CLASP1: variants seen among roughly 807,000 people sequenced by gnomAD.
CLASP1 encodes cytoplasmic linker associated protein 1.
In CLASP1, 38 loss-of-function variants were observed where a neutral mutation model predicts 192.3. That is an observed-to-expected ratio of 0.20 (90% CI 0.15 to 0.26). The LOEUF is 0.26. CLASP1 is among the 10% of genes least tolerant of loss of function. The pLI, the probability that CLASP1 is intolerant of heterozygous loss-of-function variation, is 1.00. For synonymous variants in CLASP1, 691 were observed against 712.8 expected (o/e 0.97, Z 0.49); for missense variants, 1,433 against 1,932.5 (o/e 0.74, Z 4.85).
intron 19 of CLASP1, among the ~76,000 whole-genome samples, chr2:121,443,575 C>T (rs1318082929): frequency 1.3e-5 from 2 of 152,232 alleles, no homozygotes; most frequent in Admixed American, 6.5e-5. Flanking sequence ...CCAGCCTCTG[C>T]CGTCTGCTGT....
chr2:121,406,339 C>T lies in CLASP1; in HGVS notation c.2669+1132G>A, dbSNP rs999465220. On this transcript the variant is annotated intron_variant, in intron 25 of 39. Transcript: ENST00000263710. Reference sequence around the variant, plus strand: ...ACAATGCTGTTACTATTTTGGAGTGCTCCATTTTGTTATCTCCTCACTATG... The same window carrying T: ...ACAATGCTGTTACTATTTTGGAGTGTTCCATTTTGTTATCTCCTCACTATG... Among the ~76,000 whole-genome samples, 4 of 152,146 alleles carry T rather than the reference C, an allele frequency of 2.6e-5. No individual in the cohort carries two copies. In the East Asian group the frequency reaches 7.7e-4, roughly 29 times the overall value.
intron 8 of CLASP1, 26 bp from the exon 9 acceptor site, chr2:121,469,986 GTTTTTTTAAA>G: frequency 6.3e-7 from 1 of 1,580,024 alleles, no homozygotes. Flanking sequence ...AGAAACCAAC[GTTTTTTTAAA>G]AACAAAAACT....
chr2:121,483,536 GTATGTA>G (rs1189099908), intron 8 of CLASP1, among the ~76,000 whole-genome samples: 1 of 150,462 alleles, frequency 6.6e-6, no homozygotes, highest in Non-Finnish European at 1.5e-5. Context: ...GTATATATAT[GTATGTA>G]TATATGTGTG....
At chr2:121,548,652 C>T (rs1164789711) in intron 2 of CLASP1, among the ~76,000 whole-genome samples, 1 of 151,932 alleles carries the variant, frequency 6.6e-6, no homozygotes, top group Non-Finnish European at 1.5e-5. Context: ...ATGTTAAAGG[C>T]AGCTAGAGAG....
intron 14 of CLASP1, among the ~76,000 whole-genome samples, chr2:121,457,097 A>G (rs1024582858): frequency 2.0e-5 from 3 of 152,196 alleles, no homozygotes; most frequent in African/African-American, 7.2e-5. Flanking sequence ...TCGCCAGGAC[A>G]TATAAGATAG....
intron 7 of CLASP1, among the ~76,000 whole-genome samples, chr2:121,511,930 A>T (rs529675463): frequency 7.1e-4 from 108 of 152,378 alleles, no homozygotes; most frequent in Non-Finnish European, 1.3e-3. Flanking sequence ...TTAACACTAA[A>T]GCTTTAGCAA....
At position 121,611,358 on chromosome 2, in the gene CLASP1, G is replaced by A. The variant is rs542537042; in HGVS notation, c.-285-5178C>T. 9.7e-4 allele frequency among the ~76,000 whole-genome samples: 136 copies of A among 139,808 alleles called. 2 individuals are homozygous for A. Among genetic ancestry groups the A allele is most frequent in the South Asian group, 3.2e-3 (13 of 4,126 alleles). 91.7% of individuals were successfully genotyped at this position (139,808 alleles called of 152,430 possible). Reference sequence around the variant, plus strand: ...AGTTACAGGAGGAAGAGGAACTGGAGGAGGAGGTGTTGGAGGAGTTACAGG... The same window carrying A: ...AGTTACAGGAGGAAGAGGAACTGGAAGAGGAGGTGTTGGAGGAGTTACAGG... On this transcript the variant is annotated intron_variant, in intron 1 of 39. Coordinates refer to ENST00000263710, the Ensembl canonical transcript of CLASP1.
intron 32 of CLASP1, among the ~76,000 whole-genome samples, chr2:121,386,364 C>CT (rs1310590742): frequency 6.6e-6 from 1 of 152,172 alleles, no homozygotes; most frequent in African/African-American, 2.4e-5. Flanking sequence ...ATGTGTGCCC[C>CT]TTGCTGGTCC....
At chr2:121,529,060 TA>T (rs1438304055) in intron 3 of CLASP1, among the ~76,000 whole-genome samples, 1 of 152,144 alleles carries the variant, frequency 6.6e-6, no homozygotes, top group Admixed American at 6.5e-5. Flanking sequence ...TGTAAGCTGA[TA>T]AAAATGGAAG....
At chr2:121,415,174 T>A (rs997046864) in intron 23 of CLASP1, among the ~76,000 whole-genome samples, 6 of 152,232 alleles carry the variant, frequency 3.9e-5, no homozygotes, top group African/African-American at 1.4e-4. Context: ...ACACTGGTTA[T>A]GAGTACCAGC....
intron 1 of CLASP1, among the ~76,000 whole-genome samples, chr2:121,629,503 A>C (rs901476828): frequency 2.0e-5 from 3 of 151,916 alleles, no homozygotes; most frequent in Non-Finnish European, 4.4e-5. Flanking sequence ...TTAGAAAAGC[A>C]AACTAGGCCG....
At chr2:121,492,384 C>T (rs1229679087) in intron 8 of CLASP1, among the ~76,000 whole-genome samples, 5 of 116,680 alleles carry the variant, frequency 4.3e-5, no homozygotes, top group Non-Finnish European at 8.4e-5. Context: ...GCGAGACTCC[C>T]TCTCCAAAAA....
At chr2:121,478,639 ACACACCCCCCACACACACACACCCCC>A (rs2091965604) in intron 8 of CLASP1, among the ~76,000 whole-genome samples, 1 of 110,448 alleles carries the variant, frequency 9.1e-6, no homozygotes, top group African/African-American at 4.1e-5. Context: ...ATACACACAC[ACACACCCCCCACACACACACACCCCC>A]CACACACACC....
chr2:121,531,033 TCAGTTCAAACAG>T (rs2094821247), intron 2 of CLASP1: 1 of 699,810 alleles, frequency 1.4e-6, no homozygotes. Flanking sequence ...CATAGACTTA[TCAGTTCAAACAG>T]CAGTAATTCG....
chr2:121,582,178 A>G (rs2061249988), intron 2 of CLASP1, among the ~76,000 whole-genome samples: 9 of 151,814 alleles, frequency 5.9e-5, no homozygotes, highest in Admixed American at 5.9e-4. Context: ...GAAAGGAAGG[A>G]AAAAAAGGAA....
chr2:121,563,786 G>A (rs1254280175), intron 2 of CLASP1, among the ~76,000 whole-genome samples: 3 of 152,156 alleles, frequency 2.0e-5, no homozygotes, highest in Non-Finnish European at 4.4e-5. Context: ...AATGAGCAAG[G>A]GGTGAAAATG....
At chr2:121,540,044 T>G (rs984488483) in intron 2 of CLASP1, among the ~76,000 whole-genome samples, 1 of 152,232 alleles carries the variant, frequency 6.6e-6, no homozygotes, top group Non-Finnish European at 1.5e-5. Context: ...AGAAAACATA[T>G]TGGCATTAGC....
chr2:121,408,805 G>C (rs1462775482), intron 24 of CLASP1, among the ~76,000 whole-genome samples: 2 of 152,172 alleles, frequency 1.3e-5, no homozygotes, highest in Admixed American at 6.5e-5. Flanking sequence ...AGCAGAGCTT[G>C]ACATTCAAAA....
At chr2:121,370,218 G>A (rs1022208249) in intron 34 of CLASP1, among the ~76,000 whole-genome samples, 34 of 152,150 alleles carry the variant, frequency 2.2e-4, no homozygotes, top group African/African-American at 8.0e-4. Flanking sequence ...ACTGGCTCCC[G>A]AGTCTTTCAC....
Sources: allele counts gnomAD v4.1 joint callset (sites outside exome capture counted in the v4.1 genomes callset), GRCh38; gene constraint gnomAD v4.1.1; transcripts MANE v1.5; gene names NCBI Gene and HGNC (gene_info 2026-07-23, HGNC 2026-07-21).